The following EEPD1 variants were observed in gnomAD, a reference collection of about 807,000 sequenced individuals.
EEPD1 encodes the protein endonuclease/exonuclease/phosphatase family domain containing 1.
A neutral mutation model predicts 46.3 loss-of-function variants in EEPD1; 17 were observed. That is an observed-to-expected ratio of 0.37 (90% CI 0.25 to 0.55). The LOEUF (loss-of-function observed/expected upper bound fraction) is 0.55, where lower values mean the gene tolerates loss of function less well. Ranked by LOEUF, EEPD1 falls within the 20% of genes least tolerant of loss-of-function variation. The pLI is 0.83. For missense variants in EEPD1, 673 were observed against 745.6 expected, an observed-to-expected ratio of 0.90 and a Z score of 1.13; for synonymous variants, 313 against 315.6, an observed-to-expected ratio of 0.99 and a Z score of 0.09.
intron 2 of EEPD1, among the ~76,000 whole-genome samples, chr7:36,202,624 A>G (rs1319461431): frequency 2.6e-5 from 4 of 152,182 alleles, no homozygotes; most frequent in African/African-American, 7.2e-5. Context: ...TGATTCAGGT[A>G]CTGAATAGGC....
intron 2 of EEPD1, among the ~76,000 whole-genome samples, chr7:36,180,581 G>A (rs1041987133): frequency 6.6e-6 from 1 of 152,182 alleles, no homozygotes; most frequent in African/African-American, 2.4e-5. Flanking sequence ...ACACATTCGT[G>A]ATTGGGGGTG....
At chr7:36,247,311 T>A (rs919301318) in intron 3 of EEPD1, among the ~76,000 whole-genome samples, 9 of 152,184 alleles carry the variant, frequency 5.9e-5, no homozygotes, top group African/African-American at 2.2e-4. Flanking sequence ...TGCTTGTGTC[T>A]GTAATTGGTG....
At chr7:36,237,686 C>CA (rs1335349623) in intron 2 of EEPD1, among the ~76,000 whole-genome samples, 1 of 152,178 alleles carries the variant, frequency 6.6e-6, no homozygotes, top group Admixed American at 6.5e-5. Context: ...ACAGTGGACT[C>CA]ACGCCTGTAA....
intron 6 of EEPD1, among the ~76,000 whole-genome samples, chr7:36,292,338 T>C (rs953869426): frequency 6.6e-6 from 1 of 152,104 alleles, no homozygotes; most frequent in African/African-American, 2.4e-5. Context: ...CGAGAACCAC[T>C]GTTTTCTTTC....
intron 7 of EEPD1, 117 bp from the exon 8 acceptor site, chr7:36,298,890 C>G (rs1787569542): frequency 6.6e-6 from 8 of 1,216,002 alleles, no homozygotes; most frequent in Non-Finnish European, 8.2e-6. Flanking sequence ...CTGAGGCAGC[C>G]TCTCCGGGCA....
chr7:36,289,448 C>T (rs1562714034), intron 6 of EEPD1, among the ~76,000 whole-genome samples: 2 of 152,180 alleles, frequency 1.3e-5, no homozygotes, highest in Non-Finnish European at 1.5e-5. Context: ...TTGTGTCTGG[C>T]TTGTTTCACT....
At chr7:36,219,806 AGTGT>A (rs70977121) in intron 2 of EEPD1, among the ~76,000 whole-genome samples, 8 of 75,398 alleles carry the variant, frequency 1.1e-4, no homozygotes, top group South Asian at 5.9e-4. Flanking sequence ...AGAGAGAGAG[AGTGT>A]GTGTGTGTGT....
At chr7:36,197,409 G>A (rs1785624087) in intron 2 of EEPD1, among the ~76,000 whole-genome samples, 1 of 152,184 alleles carries the variant, frequency 6.6e-6, no homozygotes, top group Admixed American at 6.5e-5. Flanking sequence ...CCGTCTGGGA[G>A]GTGTACCCAA....
intron 3 of EEPD1, among the ~76,000 whole-genome samples, chr7:36,257,493 C>A (rs1191451039): frequency 6.6e-6 from 1 of 151,938 alleles, no homozygotes; most frequent in African/African-American, 2.4e-5. Flanking sequence ...TCACATAGTC[C>A]CATATTTCTT....
intron 2 of EEPD1, among the ~76,000 whole-genome samples, chr7:36,164,717 A>G (rs994454956): frequency 3.3e-5 from 5 of 152,214 alleles, no homozygotes; most frequent in African/African-American, 4.8e-5. Context: ...ATTTTGGTCA[A>G]TGATAGATGG....
intron 3 of EEPD1, among the ~76,000 whole-genome samples, chr7:36,249,547 G>C (rs1046989476): frequency 3.2e-4 from 48 of 152,312 alleles, no homozygotes; most frequent in Non-Finnish European, 3.1e-4. Flanking sequence ...ATCCGTGGTA[G>C]GTCTACCCAA....
At chr7:36,296,478 T>C (rs189388133) in intron 6 of EEPD1, among the ~76,000 whole-genome samples, 120 of 152,288 alleles carry the variant, frequency 7.9e-4, no homozygotes, top group Middle Eastern at 3.4e-3. Context: ...AAGTCAGGCA[T>C]TGTCTCCTCC....
chr7:36,234,671 CAAAA>C (rs74272012), intron 2 of EEPD1, among the ~76,000 whole-genome samples: 2 of 114,994 alleles, frequency 1.7e-5, no homozygotes, highest in Admixed American at 9.0e-5. Context: ...GACCCTGTCT[CAAAA>C]AAAAAAAAAA....
intron 2 of EEPD1, among the ~76,000 whole-genome samples, chr7:36,209,755 A>G (rs1469816556): frequency 6.6e-6 from 1 of 152,206 alleles, no homozygotes; most frequent in Non-Finnish European, 1.5e-5. Flanking sequence ...TGGGAAGAGT[A>G]CCAAGCCATT....
At chr7:36,242,161 C>G (rs1173483814) in intron 3 of EEPD1, among the ~76,000 whole-genome samples, 1 of 152,026 alleles carries the variant, frequency 6.6e-6, no homozygotes, top group Non-Finnish European at 1.5e-5. Flanking sequence ...TGAAACTATT[C>G]TAATTCTTAA....
At chr7:36,262,307 G>A (rs1786940848) in intron 3 of EEPD1, among the ~76,000 whole-genome samples, 1 of 152,112 alleles carries the variant, frequency 6.6e-6, no homozygotes, top group African/African-American at 2.4e-5. Context: ...GTTAGTAATG[G>A]TGAATCCATA....
Position 36,299,031 on chromosome 7 carries a change from G to A in EEPD1, c.1535G>A (p.Gly512Asp), listed in dbSNP as rs753796228. Residue 512 changes from glycine to aspartate, a missense_variant, in exon 8 of 8, where the codon GGC becomes GAC. Coordinates refer to ENST00000242108, the MANE Select transcript of EEPD1 (RefSeq NM_030636.3). ...GGTCACTGGGCTGTGGTGAGAGAAGGCCTCACGAACCCTTGGATTCCGGAT... is the reference window on the plus strand; with the variant it reads ...GGTCACTGGGCTGTGGTGAGAGAAGACCTCACGAACCCTTGGATTCCGGAT... ...FTGHWAVVRE[G>D]LTNPWIPDNW... is the part of the protein sequence containing the mutation. The A allele has an allele frequency of 2.0e-5, 33 of 1,613,994 alleles. No individual in the cohort carries two copies. Among genetic ancestry groups the A allele is most frequent in the Non-Finnish European group, 4.2e-6 (5 of 1,180,028 alleles).
chr7:36,294,010 C>G (rs1181454895), intron 6 of EEPD1, among the ~76,000 whole-genome samples: 1 of 151,816 alleles, frequency 6.6e-6, no homozygotes, highest in Non-Finnish European at 1.5e-5. Flanking sequence ...ACATCCATCT[C>G]CAGGATGTAC....
chr7:36,213,550 G>A (rs540714343), intron 2 of EEPD1, among the ~76,000 whole-genome samples: 5 of 152,270 alleles, frequency 3.3e-5, no homozygotes, highest in Admixed American at 3.3e-4. Flanking sequence ...AAACGTGATT[G>A]CCCAGGAGTG....
Sources: gnomAD v4.1 joint callset for allele counts (sites outside exome capture counted in the v4.1 genomes callset) on GRCh38, gnomAD v4.1.1 for gene constraint, MANE v1.5 for transcripts, NCBI Gene and HGNC (gene_info 2026-07-23, HGNC 2026-07-21) for gene names.